Variants in IL20RB observed in about 807,000 individuals in gnomAD.
The protein encoded by IL20RB is interleukin-20 receptor subunit beta.
IL20RB carries 21 observed loss-of-function variants against 33.3 expected under a neutral mutation model. That is an observed-to-expected ratio of 0.63 (90% CI 0.45 to 0.91). The LOEUF is 0.91. Ranked by LOEUF, IL20RB falls within the 40% of genes least tolerant of loss-of-function variation. IL20RB has a pLI of 0.00. For missense variants in IL20RB, 345 were observed against 384.8 expected (o/e 0.90, Z 0.86); for synonymous variants, 147 against 146.8 (o/e 1.00, Z -0.01).
chr3:136,959,232 G>T (rs1941130731), intron 1 of IL20RB: 1 of 152,188 alleles, frequency 6.6e-6, no homozygotes, highest in African/African-American at 2.4e-5. Context: ...TGGACTACAA[G>T]CAGCTGCTGG....
chr3:136,967,137 T>C (rs1941372963), intron 1 of IL20RB, among the ~76,000 whole-genome samples: 2 of 141,894 alleles, frequency 1.4e-5, no homozygotes, highest in South Asian at 4.8e-4. Flanking sequence ...AATTTTGGAA[T>C]AGGTGTGGTG....
At chr3:136,991,060 A>T (rs1942022273) in intron 4 of IL20RB, among the ~76,000 whole-genome samples, 1 of 152,192 alleles carries the variant, frequency 6.6e-6, no homozygotes, top group Non-Finnish European at 1.5e-5. Flanking sequence ...ACAGGATCAG[A>T]TGCAGAGCAC....
At chr3:136,983,078 T>C (rs1941820085) in intron 3 of IL20RB, among the ~76,000 whole-genome samples, 1 of 151,660 alleles carries the variant, frequency 6.6e-6, no homozygotes, top group Non-Finnish European at 1.5e-5. Context: ...GGAGAGGATC[T>C]AGACCAGGTC....
chr3:136,969,649 C>G (rs1053496447), intron 1 of IL20RB, among the ~76,000 whole-genome samples: 1 of 151,796 alleles, frequency 6.6e-6, no homozygotes, highest in Non-Finnish European at 1.5e-5. Flanking sequence ...GCAGAAATCA[C>G]CCGTCTTCTG....
rs1329177787 is a variant in IL20RB at position 136,995,419 on chromosome 3, G to T, written c.688G>T (p.Ala230Ser). 28 of 1,614,000 alleles carry T rather than the reference G, an allele frequency of 1.7e-5. No individual in the cohort carries two copies. The highest frequency in any genetic ancestry group is 2.3e-5 in the Non-Finnish European group (27 of 1,179,952). ...QTECVEVQGE[A>S]IPLVLALFAF... ...TTTTTATCTTTTGTTTCCAGGAGAG[G>T]CCATTCCCCTGGTACTGGCCCTGTT... The change falls in exon 6 of 7, where the codon GCC becomes TCC. Residue 230 changes from alanine (A) to serine (S), a missense_variant. Coordinates refer to ENST00000329582, the MANE Select transcript of IL20RB (RefSeq NM_144717.4).
rs965936727 is a variant in IL20RB at position 136,975,828 on chromosome 3, A to T, written c.89-4638A>T. Among the ~76,000 whole-genome samples, 6 of 152,044 alleles carry T rather than the reference A, an allele frequency of 3.9e-5. No homozygotes were observed. The South Asian group carries it at 1.2e-3, about 32-fold the overall frequency. ...CTGTCCGTGTTTCCCAGGGTTATGT[A>T]TGCGGGCACTGGTGTTGGTGGTTAC... On this transcript the variant is annotated intron_variant, in intron 1 of 6. Coordinates refer to ENST00000329582, the MANE Select transcript of IL20RB (RefSeq NM_144717.4).
chr3:136,972,932 A>G (rs190441856), intron 1 of IL20RB, among the ~76,000 whole-genome samples: 185 of 152,130 alleles, frequency 1.2e-3, no homozygotes, highest in Middle Eastern at 6.8e-3. Context: ...GCATTTATTG[A>G]TATAAATGTC....
intron 6 of IL20RB, among the ~76,000 whole-genome samples, chr3:137,002,842 C>T (rs1050440438): frequency 1.3e-5 from 2 of 152,114 alleles, no homozygotes; most frequent in East Asian, 1.9e-4. Flanking sequence ...GAAGTCCTTG[C>T]CCATGCCTAT....
rs1654910 is a variant in IL20RB at position 136,986,260 on chromosome 3, A to T, written c.407-3181A>T. Reference sequence around the variant, plus strand: ...ATAAATAAATAAATAAATAAATAAAAATAAAACAGGAACAATGTTTACCTT... The same window carrying T: ...ATAAATAAATAAATAAATAAATAAATATAAAACAGGAACAATGTTTACCTT... On this transcript the variant is annotated intron_variant, in intron 3 of 6. Transcript: ENST00000329582. 2.8e-3 allele frequency among the ~76,000 whole-genome samples: 125 copies of T among 44,152 alleles called. 2 individuals carry two copies. The highest frequency in any genetic ancestry group is 0.024 in the East Asian group (12 of 494). The allele number at this position is 44,152 out of a possible 152,430, so 29.0% of individuals were successfully genotyped here. A position where few individuals can be genotyped will look rare whatever the true frequency, so the allele number is the denominator to read the frequency against.
intron 3 of IL20RB, chr3:136,986,778 C>T (rs1417377210): frequency 1.3e-5 from 6 of 456,132 alleles, no homozygotes; most frequent in Middle Eastern, 4.0e-4. Flanking sequence ...AGCCGCAGAC[C>T]CTCGCGGTGA....
intron 1 of IL20RB, chr3:136,980,218 G>A (rs958619982): frequency 1.4e-5 from 7 of 515,200 alleles, no homozygotes; most frequent in Non-Finnish European, 2.4e-5. Context: ...AATTATAATG[G>A]TGGTACCCAA....
At chr3:136,987,720 C>T (rs1210401652) in intron 3 of IL20RB, among the ~76,000 whole-genome samples, 2 of 152,306 alleles carry the variant, frequency 1.3e-5, no homozygotes, top group African/African-American at 2.4e-5. Flanking sequence ...CTGCAGGTCC[C>T]GAGCCACGCC....
intron 1 of IL20RB, among the ~76,000 whole-genome samples, chr3:136,960,551 A>C (rs1941191624): frequency 6.6e-6 from 1 of 152,214 alleles, no homozygotes; most frequent in African/African-American, 2.4e-5. Context: ...TCACAATGAC[A>C]ATCACAACTG....
chr3:137,010,100 A>T lies in IL20RB; in HGVS notation c.826-13A>T. 1 of 1,312,336 alleles carries T rather than the reference A, an allele frequency of 7.6e-7. No homozygotes were observed. 81.3% of individuals were successfully genotyped at this position (1,312,336 alleles called of 1,614,324 possible). On this transcript the variant is annotated splice_polypyrimidine_tract_variant and intron_variant, in intron 6 of 6. Transcript: ENST00000329582. ...CTATCCTCTAATGAATATTAATGAA[A>T]ATTATTTTTCAGAAAATAACCAATT...
At chr3:136,978,534 G>A (rs191271611) in intron 1 of IL20RB, among the ~76,000 whole-genome samples, 1 of 152,228 alleles carries the variant, frequency 6.6e-6, no homozygotes, top group African/African-American at 2.4e-5. Flanking sequence ...CAATTGATAT[G>A]ATTTATGATT....
chr3:137,007,372 G>T (rs1454385657), intron 6 of IL20RB, among the ~76,000 whole-genome samples: 1 of 152,172 alleles, frequency 6.6e-6, no homozygotes, highest in Admixed American at 6.5e-5. Context: ...GCTGCCTTTT[G>T]TTCAGCTATG....
At chr3:136,978,215 G>C (rs1295958168) in intron 1 of IL20RB, among the ~76,000 whole-genome samples, 5 of 148,084 alleles carry the variant, frequency 3.4e-5, no homozygotes, top group Non-Finnish European at 5.9e-5. Flanking sequence ...ACCCAGGCTA[G>C]AGTGCAATGG....
At chr3:136,985,899 G>T (rs1941886235) in intron 3 of IL20RB, among the ~76,000 whole-genome samples, 1 of 152,136 alleles carries the variant, frequency 6.6e-6, no homozygotes, top group Non-Finnish European at 1.5e-5. Context: ...GAAAGAAATG[G>T]GCTCAAATTC....
rs765213872 is a variant in IL20RB at position 136,991,997 on chromosome 3, A to G, written c.591A>G (p.Pro197=). The change falls in exon 5 of 7, where the codon CCA becomes CCG. Residue 197 remains proline (P), a synonymous_variant. Coordinates refer to ENST00000329582, the MANE Select transcript of IL20RB (RefSeq NM_144717.4). The part of the protein sequence containing the change: ...GIPVHLETME[P]GAAYCVKAQT... Reference sequence around the variant, plus strand: ...CAGTGCACCTAGAAACCATGGAGCCAGGGGCTGCATACTGTGTGAAGGCCC... The same window carrying G: ...CAGTGCACCTAGAAACCATGGAGCCGGGGGCTGCATACTGTGTGAAGGCCC... The G allele has an allele frequency of 2.5e-6, 4 of 1,614,180 alleles. No individual in the cohort carries two copies. The South Asian group carries it at 4.4e-5, about 18-fold the overall frequency.
Sources: allele counts gnomAD v4.1 joint callset (sites outside exome capture counted in the v4.1 genomes callset), GRCh38; gene constraint gnomAD v4.1.1; transcripts MANE v1.5; gene names NCBI Gene and HGNC (gene_info 2026-07-23, HGNC 2026-07-21).